DPY19L4: variants seen among roughly 807,000 people sequenced by gnomAD.
DPY19L4 encodes probable C-mannosyltransferase DPY19L4.
Under a neutral mutation model 102.8 loss-of-function variants are expected in DPY19L4, and 97 were observed. The ratio of observed to expected loss-of-function variants is 0.94; its 90% confidence interval spans 0.80 to 1.12. DPY19L4 has a LOEUF of 1.12. Ranked by LOEUF, DPY19L4 falls within the 50% of genes most tolerant of loss-of-function variation. The probability of loss-of-function intolerance (pLI) is 0.00; values close to 1 mark genes in which losing one functional copy is unlikely to be tolerated. For synonymous variants in DPY19L4, 252 were observed against 283.1 expected, an observed-to-expected ratio of 0.89 and a Z score of 1.10; for missense variants, 815 against 850.4, an observed-to-expected ratio of 0.96 and a Z score of 0.52.
At chr8:94,781,640 G>C (rs151038001) in intron 16 of DPY19L4, among the ~76,000 whole-genome samples, 1 of 152,140 alleles carries the variant, frequency 6.6e-6, no homozygotes, top group Non-Finnish European at 1.5e-5. Flanking sequence ...CCCTCAAAAG[G>C]CTACACTGGC....
chr8:94,782,240 A>G (rs552978253), intron 16 of DPY19L4, among the ~76,000 whole-genome samples: 29 of 152,156 alleles, frequency 1.9e-4, no homozygotes, highest in Non-Finnish European at 3.7e-4. Context: ...TGGATAGTCT[A>G]GGGTTGGCTA....
intron 7 of DPY19L4, among the ~76,000 whole-genome samples, chr8:94,757,908 C>T (rs969281537): frequency 6.6e-5 from 10 of 151,886 alleles, no homozygotes; most frequent in Non-Finnish European, 1.3e-4. Flanking sequence ...GTCAGGAGTT[C>T]GAGACCAGCC....
chr8:94,720,565 TAA>T (rs1342509146), intron 1 of DPY19L4, among the ~76,000 whole-genome samples: 1 of 152,054 alleles, frequency 6.6e-6, no homozygotes, highest in African/African-American at 2.4e-5. Context: ...GGGAAAATGG[TAA>T]AGAGCAGAGC....
chr8:94,734,692 A>G lies in DPY19L4; in HGVS notation c.190A>G (p.Met64Val). The change falls in exon 3 of 19, where the codon ATG becomes GTG. Residue 64 changes from methionine (M) to valine (V), a missense_variant. Transcript: ENST00000414645. ...CTGTCTTGCAGCGGTTACTAGTGGT[A>G]TGATGTATGCTCTCTACTTATCAGC... is the stretch of plus-strand genomic sequence containing the variant. Reference protein sequence around the residue: ...IGCLAAVTSGMMYALYLSAYH... With the variant: ...IGCLAAVTSGVMYALYLSAYH... 1 of 1,614,098 alleles carries G rather than the reference A, an allele frequency of 6.2e-7. No individual in the cohort carries two copies. The highest frequency in any genetic ancestry group is 8.5e-7 in the Non-Finnish European group (1 of 1,179,992).
chr8:94,730,864 G>A (rs1447984707), intron 2 of DPY19L4, among the ~76,000 whole-genome samples: 2 of 146,168 alleles, frequency 1.4e-5, no homozygotes, highest in East Asian at 4.2e-4. Flanking sequence ...TCCTGCCTCA[G>A]CCTCCCGAGT....
intron 6 of DPY19L4, among the ~76,000 whole-genome samples, chr8:94,749,174 A>G (rs1389580718): frequency 1.3e-5 from 2 of 152,134 alleles, no homozygotes; most frequent in African/African-American, 2.4e-5. Context: ...CCCTCCCACA[A>G]CACTTGGGAA....
At position 94,787,883 on chromosome 8, in the gene DPY19L4, T is replaced by C. The variant is rs778067041; in HGVS notation, c.1849-11T>C. 7.6e-7 allele frequency: 1 copy of C among 1,324,146 alleles called. No individual in the cohort carries two copies. Among genetic ancestry groups the C allele is most frequent in the Non-Finnish European group, 9.8e-7 (1 of 1,022,498 alleles). 82.0% of individuals were successfully genotyped at this position (1,324,146 alleles called of 1,614,324 possible). ...TATTCTTTCAGTTTTATTTTAATTA[T>C]ATTCTTTCAGATCTACCAAATCTAT... On this transcript the variant is annotated splice_polypyrimidine_tract_variant and intron_variant, in intron 17 of 18. Coordinates refer to ENST00000414645, the MANE Select transcript of DPY19L4 (RefSeq NM_181787.3).
At chr8:94,757,554 C>T (rs1407541283) in intron 7 of DPY19L4, among the ~76,000 whole-genome samples, 1 of 152,030 alleles carries the variant, frequency 6.6e-6, no homozygotes, top group South Asian at 2.1e-4. Context: ...AGATTACAGG[C>T]ACCCAGCACC....
At position 94,776,779 on chromosome 8, in the gene DPY19L4, A is replaced by G. The variant is rs141576041; in HGVS notation, c.1455-887A>G. 2.0e-4 allele frequency among the ~76,000 whole-genome samples: 30 copies of G among 151,910 alleles called. 1 individual carries two copies. In the East Asian group the frequency reaches 6.0e-3, roughly 30 times the overall value. Reference sequence around the variant, plus strand: ...CAGGAATTTGAGACCAGCCTGGCCAACACGGTGAAACCTGGTCTCTACTAA... The same window carrying G: ...CAGGAATTTGAGACCAGCCTGGCCAGCACGGTGAAACCTGGTCTCTACTAA... On this transcript the variant is annotated intron_variant, in intron 13 of 18. Coordinates refer to ENST00000414645, the MANE Select transcript of DPY19L4 (RefSeq NM_181787.3).
chr8:94,722,024 A>G (rs1270719191), intron 1 of DPY19L4, among the ~76,000 whole-genome samples: 1 of 152,130 alleles, frequency 6.6e-6, no homozygotes, highest in South Asian at 2.1e-4. Flanking sequence ...TAGGAGAATC[A>G]CTTGAACCCG....
At chr8:94,762,195 G>C (rs1169609967) in intron 8 of DPY19L4, among the ~76,000 whole-genome samples, 7 of 152,194 alleles carry the variant, frequency 4.6e-5, no homozygotes. Flanking sequence ...CAAAAGTAGG[G>C]CCCTTCAGAA....
intron 14 of DPY19L4, among the ~76,000 whole-genome samples, chr8:94,779,463 C>T (rs1307030298): frequency 1.3e-5 from 2 of 150,912 alleles, no homozygotes; most frequent in East Asian, 2.0e-4. Context: ...GCTGGGACTT[C>T]AGGCACACGC....
intron 3 of DPY19L4, among the ~76,000 whole-genome samples, chr8:94,736,559 C>T (rs768139963): frequency 4.6e-5 from 7 of 152,106 alleles, no homozygotes; most frequent in Admixed American, 1.3e-4. Flanking sequence ...TTAATTGATA[C>T]ATATTATGCA....
At chr8:94,726,681 G>A (rs149623602) in intron 2 of DPY19L4, among the ~76,000 whole-genome samples, 11 of 152,254 alleles carry the variant, frequency 7.2e-5, no homozygotes, top group Non-Finnish European at 1.0e-4. Flanking sequence ...GGAATAGTCC[G>A]TATTTGGGAA....
chr8:94,788,085 A>G (rs775895247), intron 18 of DPY19L4, 33 bp downstream of exon 18: 40 of 1,070,216 alleles, frequency 3.7e-5, no homozygotes, highest in East Asian at 3.1e-4. Flanking sequence ...ATATATATGT[A>G]TATATATATA....
rs138998679 is a variant in DPY19L4 at position 94,768,428 on chromosome 8, A to G, written c.1209A>G (p.Glu403=). ...NFTMNWLLCQ[E]SLQAPSQDFF... is the part of the protein sequence containing the mutation. ...CAATGAATTGGCTCCTCTGTCAAGA[A>G]TCCCTGCAGGCACCATCTCAAGATT... The change falls in exon 12 of 19, where the codon GAA becomes GAG. Residue 403 remains glutamate (E), a synonymous_variant. Transcript: ENST00000414645. The G allele has an allele frequency of 2.3e-3, 3,710 of 1,605,120 alleles. 33 individuals are homozygous for G. Among genetic ancestry groups the G allele is most frequent in the African/African-American group, 0.022 (1,637 of 74,412 alleles).
Position 94,739,453 on chromosome 8 carries a change from G to A in DPY19L4, c.384G>A (p.Leu128=), listed in dbSNP as rs763540192. 6.2e-7 allele frequency: 1 copy of A among 1,601,000 alleles called. No individual in the cohort carries two copies. Among genetic ancestry groups the A allele is most frequent in the South Asian group, 1.1e-5 (1 of 87,654 alleles). ...ELTHNNKTVS[L]KTINAVQQMS... ...CACACAATAACAAAACTGTATCTCT[G>A]AAGACTATAAATGCAGTGCAGCAAA... Residue 128 remains leucine, a synonymous_variant, in exon 5 of 19, where the codon CTG becomes CTA. Transcript: ENST00000414645.
chr8:94,779,798 C>T (rs565117322), intron 14 of DPY19L4, among the ~76,000 whole-genome samples: 1 of 152,256 alleles, frequency 6.6e-6, no homozygotes, highest in East Asian at 1.9e-4. Flanking sequence ...GACTGGATCA[C>T]AGGGTCACTA....
At chr8:94,734,528 TG>T in intron 2 of DPY19L4, 101 bp from the exon 3 acceptor site, 4 of 1,211,712 alleles carry the variant, frequency 3.3e-6, no homozygotes, top group Non-Finnish European at 3.4e-6. Context: ...ACTCGAGTTG[TG>T]GGTTTTGGGG....
Sources: gnomAD v4.1 joint callset for allele counts (sites outside exome capture counted in the v4.1 genomes callset) on GRCh38, gnomAD v4.1.1 for gene constraint, MANE v1.5 for transcripts, NCBI Gene and HGNC (gene_info 2026-07-23, HGNC 2026-07-21) for gene names.